Variants in NDEL1 observed in about 807,000 individuals in gnomAD.
NDEL1 encodes the protein nuclear distribution protein nudE-like 1.
In NDEL1, 9 loss-of-function variants were observed where a neutral mutation model predicts 45.7. The ratio of observed to expected loss-of-function variants is 0.20; its 90% CI spans 0.12 to 0.34. NDEL1 has a LOEUF of 0.34. NDEL1 is among the 10% of genes least tolerant of loss of function. NDEL1 has a pLI of 1.00. For missense variants in NDEL1, 306 were observed against 406.2 expected (o/e 0.75, Z 2.12); for synonymous variants, 133 against 158.6 (o/e 0.84, Z 1.21).
At chr17:8,440,368 G>A (rs1158062118) in intron 1 of NDEL1, among the ~76,000 whole-genome samples, 2 of 152,090 alleles carry the variant, frequency 1.3e-5, no homozygotes, top group Non-Finnish European at 2.9e-5. Context: ...ACAAAAATTA[G>A]CCAGGTATGG....
At chr17:8,432,988 C>G (rs1909054866), upstream of NDEL1, among the ~76,000 whole-genome samples, 1 of 151,982 alleles carries the variant, frequency 6.6e-6, no homozygotes, top group African/African-American at 2.4e-5. Flanking sequence ...GATTTTTGCT[C>G]TTGACTGGTT....
chr17:8,446,717 A>G (rs764122299), intron 3 of NDEL1, 37 bp from the exon 4 acceptor site: 10 of 1,609,966 alleles, frequency 6.2e-6, no homozygotes, highest in Middle Eastern at 1.7e-4. Flanking sequence ...AGAACTGTAT[A>G]TTAATGACAT....
chr17:8,457,660 C>G (rs898746754), intron 7 of NDEL1, among the ~76,000 whole-genome samples: 1 of 152,140 alleles, frequency 6.6e-6, no homozygotes, highest in Non-Finnish European at 1.5e-5. Flanking sequence ...TCTTTGATTT[C>G]TTTTCTCATC....
chr17:8,450,723 T>C, intron 5 of NDEL1, 57 bp from the exon 6 acceptor site: 1 of 1,455,486 alleles, frequency 6.9e-7, no homozygotes, highest in Non-Finnish European at 9.2e-7. Context: ...GTCACTTTGC[T>C]TGATATATTT....
upstream of NDEL1, among the ~76,000 whole-genome samples, chr17:8,432,372 T>TATTATATATAAATATATATA (rs1909037517): frequency 7.6e-6 from 1 of 131,648 alleles, no homozygotes; most frequent in Non-Finnish European, 1.6e-5. Flanking sequence ...ATATATATAT[T>TATTATATATAAATATATATA]TAATGGCAGG....
At chr17:8,442,508 A>G (rs1448284975) in intron 1 of NDEL1, among the ~76,000 whole-genome samples, 1 of 150,250 alleles carries the variant, frequency 6.7e-6, no homozygotes, top group African/African-American at 2.5e-5. Context: ...CCTCAAAATC[A>G]TGGCTTACTG....
At chr17:8,468,174 T>G (rs1351978660), downstream of NDEL1, 1 of 152,304 alleles carries the variant, frequency 6.6e-6, no homozygotes, top group African/African-American at 2.4e-5. Flanking sequence ...TTGACGTTGC[T>G]TTATTCAGTC....
At chr17:8,423,334 T>C (rs1053495024) in intron 1 of NDEL1, among the ~76,000 whole-genome samples, 2 of 152,020 alleles carry the variant, frequency 1.3e-5, no homozygotes, top group African/African-American at 2.4e-5. Flanking sequence ...AGGTATGAAA[T>C]TGAAAAGATT....
At chr17:8,452,476 G>T (rs1360840349) in intron 6 of NDEL1, among the ~76,000 whole-genome samples, 1 of 152,032 alleles carries the variant, frequency 6.6e-6, no homozygotes, top group Admixed American at 6.6e-5. Context: ...ATGTTTTTAG[G>T]CTGGAACCAA....
At chr17:8,460,209 A>G in intron 8 of NDEL1, 49 bp downstream of exon 8, 1 of 1,566,836 alleles carries the variant, frequency 6.4e-7, no homozygotes, top group Non-Finnish European at 8.7e-7. Context: ...GTAAAGTGAC[A>G]GGTTAGTAAG....
rs1909285892 is a variant in NDEL1, at chr17:8,435,890, T to C, written c.-168T>C. On this transcript the variant is annotated 5_prime_UTR_variant, in exon 1 of 9. Coordinates refer to ENST00000334527, the MANE Select transcript of NDEL1 (RefSeq NM_030808.5). ...TGGCCTCGGACACCCAGGCAGTCCC[T>C]GACGTGTCGGGGAGGAGCCGGGCGC... The C allele has an allele frequency of 4.5e-6, 2 of 447,358 alleles. No homozygotes were observed. Among genetic ancestry groups the C allele is most frequent in the South Asian group, 1.6e-5 (1 of 64,216 alleles). The allele number at this position is 447,358 out of a possible 1,614,324, so 27.7% of individuals were successfully genotyped here.
chr17:8,456,568 A>C (rs893893872), intron 7 of NDEL1, among the ~76,000 whole-genome samples: 2 of 139,716 alleles, frequency 1.4e-5, no homozygotes, highest in Non-Finnish European at 3.0e-5. Flanking sequence ...GCACGATCTC[A>C]GCTCACTGCA....
intron 8 of NDEL1, chr17:8,466,595 T>C (rs1911606715): frequency 1.7e-5 from 4 of 232,672 alleles, no homozygotes; most frequent in Non-Finnish European, 2.5e-5. Context: ...CAATATCTTA[T>C]TGTTCAGTTG....
chr17:8,449,621 C>G (rs1252548318), intron 5 of NDEL1, among the ~76,000 whole-genome samples: 1 of 152,182 alleles, frequency 6.6e-6, no homozygotes, highest in Non-Finnish European at 1.5e-5. Context: ...CTTTAGATAC[C>G]TCATATAAGG....
intron 8 of NDEL1, chr17:8,463,472 C>A: frequency 1.2e-6 from 1 of 840,234 alleles, no homozygotes; most frequent in Non-Finnish European, 1.9e-6. Context: ...CTTTAACCAA[C>A]TTACAGCCCA....
chr17:8,443,170 G>A (rs79068340), intron 1 of NDEL1, among the ~76,000 whole-genome samples: 50 of 152,306 alleles, frequency 3.3e-4, no homozygotes, highest in African/African-American at 1.1e-3. Context: ...AAATATCATT[G>A]AGTATCCACT....
chr17:8,425,317 G>A (rs916586634), intron 1 of NDEL1, among the ~76,000 whole-genome samples: 4 of 152,334 alleles, frequency 2.6e-5, no homozygotes, highest in South Asian at 2.1e-4. Flanking sequence ...GCGCAGTGGC[G>A]CATGCCTGTA....
intron 1 of NDEL1, among the ~76,000 whole-genome samples, chr17:8,419,913 G>C (rs528634108): frequency 6.6e-6 from 1 of 152,182 alleles, no homozygotes; most frequent in Non-Finnish European, 1.5e-5. Flanking sequence ...GTGCAAGAAG[G>C]AATGAGGAGA....
At chr17:8,434,692 T>C (rs1005512994), upstream of NDEL1, among the ~76,000 whole-genome samples, 1 of 152,166 alleles carries the variant, frequency 6.6e-6, no homozygotes, top group East Asian at 1.9e-4. Context: ...GTCTCCAGCT[T>C]GCTTCCAAGT....
Sources: allele counts gnomAD v4.1 joint callset (sites outside exome capture counted in the v4.1 genomes callset), GRCh38; gene constraint gnomAD v4.1.1; transcripts MANE v1.5; gene names NCBI Gene and HGNC (gene_info 2026-07-23, HGNC 2026-07-21).